The following ZNF268 variants were observed in gnomAD, a reference collection of about 807,000 sequenced individuals.
ZNF268 encodes zinc finger protein 268.
In ZNF268, 20 loss-of-function variants were observed where a neutral mutation model predicts 29.3. The ratio of observed to expected loss-of-function variants is 0.68; its 90% CI spans 0.48 to 0.99. The LOEUF is 0.99. ZNF268 is among the 50% of genes least tolerant of loss of function. ZNF268 has a pLI of 0.00. For synonymous variants in ZNF268, 429 were observed against 376.9 expected (o/e 1.14, Z -1.60); for missense variants, 1,240 against 1,121.6 (o/e 1.11, Z -1.51).
Position 133,203,756 on chromosome 12 carries a change from C to A in ZNF268, c.2070C>A (p.His690Gln). 6.4e-7 allele frequency: 1 copy of A among 1,561,070 alleles called. No homozygotes were observed. The highest frequency in any genetic ancestry group is 1.9e-5 in the Admixed American group (1 of 53,208). ...AGCTCATTGTACATCAGAGAAGTCA[C>A]ACAGGAGTAAAACCATATGGATGCA... ...KSQLIVHQRSHTGVKPYGCSE... is the reference protein window; with the variant it reads ...KSQLIVHQRSQTGVKPYGCSE... Residue 690 changes from histidine to glutamine, a missense_variant, in exon 6 of 6, where the codon CAC becomes CAA. Around this residue, in one of 3 missense-constraint regions of ZNF268, gnomAD observed 1,177 missense variants for 1,039.6 expected, o/e 1.13. Coordinates refer to ENST00000536435, the MANE Select transcript of ZNF268 (RefSeq NM_003415.3).
chr12:133,187,545 A>C (rs1040027428), intron 2 of ZNF268, among the ~76,000 whole-genome samples: 1 of 151,998 alleles, frequency 6.6e-6, no homozygotes, highest in African/African-American at 2.4e-5. Context: ...CTACTGCCCT[A>C]CCAAACCAGC....
intron 3 of ZNF268, among the ~76,000 whole-genome samples, chr12:133,189,460 C>G (rs1243761776): frequency 1.3e-5 from 2 of 152,120 alleles, no homozygotes; most frequent in African/African-American, 4.8e-5. Context: ...AGTGATTCAC[C>G]TGCCTCGGCC....
At chr12:133,192,297 G>A (rs1027102584) in intron 5 of ZNF268, among the ~76,000 whole-genome samples, 23 of 151,734 alleles carry the variant, frequency 1.5e-4, no homozygotes, top group Non-Finnish European at 2.9e-5. Flanking sequence ...TAGTAGAGAT[G>A]GGGTTTTGCC....
At chr12:133,187,026 A>G (rs1421129857) in intron 2 of ZNF268, among the ~76,000 whole-genome samples, 5 of 152,080 alleles carry the variant, frequency 3.3e-5, no homozygotes, top group Admixed American at 6.5e-5. Flanking sequence ...CCTCTTCCCT[A>G]TCTCTTATCA....
At position 133,203,595 on chromosome 12, in the gene ZNF268, G is replaced by T; in HGVS notation, c.1909G>T (p.Glu637Ter). 6.4e-7 allele frequency: 1 copy of T among 1,570,072 alleles called. No homozygotes were observed. ...TGTACATCAGAGAACTCATACAGGA[G>T]AGAAACCCTATAGTTGTAATGAATG... ...LIVHQRTHTG[E>*]KPYSCNECGK... is the part of the protein sequence containing the mutation. The change falls in exon 6 of 6, where the codon GAG (glutamate) becomes TAG (stop). Residue 637 changes from glutamate to a stop codon, truncating the protein, a stop_gained. Transcript: ENST00000536435. LOFTEE classifies it low-confidence loss of function (END_TRUNC).
intron 5 of ZNF268, among the ~76,000 whole-genome samples, chr12:133,194,063 C>T (rs916579218): frequency 1.3e-5 from 2 of 152,148 alleles, no homozygotes; most frequent in East Asian, 3.8e-4. Flanking sequence ...AAACCCTCAT[C>T]GTCTCAATTC....
At chr12:133,190,498 T>A (rs1428033723) in intron 3 of ZNF268, among the ~76,000 whole-genome samples, 1 of 152,280 alleles carries the variant, frequency 6.6e-6, no homozygotes, top group East Asian at 1.9e-4. Context: ...TTCTAATAGG[T>A]GTGTAGTGGT....
chr12:133,184,922 G>A (rs1422542899), intron 2 of ZNF268, among the ~76,000 whole-genome samples: 2 of 152,138 alleles, frequency 1.3e-5, no homozygotes, highest in South Asian at 2.1e-4. Flanking sequence ...GGTGGGTCAC[G>A]CCTGTAGTCC....
chr12:133,202,986 C>A lies in ZNF268; in HGVS notation c.1300C>A (p.His434Asn). 1 of 1,548,906 alleles carries A rather than the reference C, an allele frequency of 6.5e-7. No homozygotes were observed. Among genetic ancestry groups the A allele is most frequent in the Non-Finnish European group, 8.7e-7 (1 of 1,152,542 alleles). ...TAATACAAAGTCAAACCTTATGGTA[C>A]ATCAGAGAACCCATACAGGGGAGAA... ...AFNTKSNLMVHQRTHTGEKPY... is the reference protein window; with the variant it reads ...AFNTKSNLMVNQRTHTGEKPY... The change falls in exon 6 of 6, where the codon CAT (histidine) becomes AAT (asparagine). Residue 434 changes from histidine (H) to asparagine (N), a missense_variant. This residue lies in a region of ZNF268 where 1,177 missense variants were observed against 1,039.6 expected (regional missense o/e 1.13). Transcript: ENST00000536435.
chr12:133,205,500 TACTG>T lies in ZNF268; in HGVS notation c.*973_*976del, dbSNP rs997679774. On this transcript the variant is annotated 3_prime_UTR_variant, in exon 6 of 6. Transcript: ENST00000536435. ...CTTCCAGAGATTTCAGTATCTCTGA[TACTG>T]ACAATATCTCTGATATGACAATATC... The T allele has an allele frequency of 3.9e-5, 6 of 152,298 alleles. No individual in the cohort carries two copies. Among genetic ancestry groups the T allele is most frequent in the South Asian group, 2.1e-4 (1 of 4,828 alleles). The allele number at this position is 152,298 out of a possible 1,614,324, so 9.4% of individuals were successfully genotyped here. A position where few individuals can be genotyped will look rare whatever the true frequency, so the allele number is the denominator to read the frequency against.
chr12:133,183,678 T>C (rs989166459), intron 2 of ZNF268, among the ~76,000 whole-genome samples: 1 of 151,894 alleles, frequency 6.6e-6, no homozygotes, highest in Non-Finnish European at 1.5e-5. Flanking sequence ...TTGTGATTGG[T>C]AGAGGGGGAA....
rs1956933112 is a variant in ZNF268, at chr12:133,208,194, TAAA to T, written c.*3667_*3669del. ...AGACCCTGTCTGTACAAAAACTTTTTAAAAAGATTAGCCAGGTGTGGTCAGGCG... is the reference window on the plus strand; with the variant it reads ...AGACCCTGTCTGTACAAAAACTTTTTAAGATTAGCCAGGTGTGGTCAGGCG... On this transcript the variant is annotated 3_prime_UTR_variant, in exon 6 of 6. Coordinates refer to ENST00000536435, the MANE Select transcript of ZNF268 (RefSeq NM_003415.3). 6.6e-6 allele frequency: 1 copy of T among 151,298 alleles called. No homozygotes were observed. The highest frequency in any genetic ancestry group is 1.5e-5 in the Non-Finnish European group (1 of 67,790). 9.4% of individuals were successfully genotyped at this position (151,298 alleles called of 1,614,324 possible).
At chr12:133,188,595 A>C (rs1956383626) in intron 3 of ZNF268, among the ~76,000 whole-genome samples, 1 of 152,016 alleles carries the variant, frequency 6.6e-6, no homozygotes, top group South Asian at 2.1e-4. Context: ...CTCCTTTCCC[A>C]TCCCCAAAAA....
intron 2 of ZNF268, among the ~76,000 whole-genome samples, chr12:133,187,148 ATT>A (rs898896659): frequency 2.6e-5 from 4 of 151,736 alleles, no homozygotes; most frequent in African/African-American, 9.7e-5. Flanking sequence ...CATTTCATTC[ATT>A]GTTTCTTTTT....
chr12:133,188,573 C>T (rs764074149), intron 3 of ZNF268, among the ~76,000 whole-genome samples: 29 of 152,126 alleles, frequency 1.9e-4, no homozygotes, highest in Non-Finnish European at 2.5e-4. Flanking sequence ...TTTCCTCATA[C>T]TCAATTTTCA....
Position 133,202,487 on chromosome 12 carries a change from A to AC in ZNF268, c.802dup (p.Gln268ProfsTer15), listed in dbSNP as rs1464882259. The AC allele has an allele frequency of 1.9e-6, 3 of 1,612,272 alleles. No homozygotes were observed. Among genetic ancestry groups the AC allele is most frequent in the Non-Finnish European group, 2.5e-6 (3 of 1,179,136 alleles). On this transcript the variant is annotated frameshift_variant, in exon 6 of 6. Transcript: ENST00000536435. LOFTEE classifies it low-confidence loss of function (END_TRUNC). The stretch of plus-strand genomic sequence containing the variant: ...ATAAGAAATCGCAACTTATGTGCCA[A>AC]CAAATGTATATGGGCGAAAAACCCT...
In ZNF268 at chr12:133,212,348, A is replaced by G. The variant is rs1039106940; in HGVS notation, c.*7818A>G. On this transcript the variant is annotated 3_prime_UTR_variant, in exon 6 of 6. Transcript: ENST00000536435. ...TGGGATGTATAATGCCAGCATGAAC[A>G]AAAAGGCCACTTATCACTCCAGGAG... 1 of 151,362 alleles carries G rather than the reference A, an allele frequency of 6.6e-6. No individual in the cohort carries two copies. Among genetic ancestry groups the G allele is most frequent in the African/African-American group, 2.4e-5 (1 of 41,132 alleles). The allele number at this position is 151,362 out of a possible 1,614,324, so 9.4% of individuals were successfully genotyped here.
chr12:133,188,082 T>A lies in ZNF268; in HGVS notation c.234+10T>A. 6.4e-7 allele frequency: 1 copy of A among 1,568,088 alleles called. No homozygotes were observed. The highest frequency in any genetic ancestry group is 8.6e-7 in the Non-Finnish European group (1 of 1,156,720). On this transcript the variant is annotated intron_variant, in intron 3 of 5. Coordinates refer to ENST00000536435, the MANE Select transcript of ZNF268 (RefSeq NM_003415.3). ...AATCACCAAGTCCTGGGTGAGCTTC[T>A]CATTTGTTTATTCCTAGTGTTTTCT...
In ZNF268 at chr12:133,211,247, A is replaced by T. The variant is rs1388680336; in HGVS notation, c.*6717A>T. 5.6e-6 allele frequency: 2 copies of T among 355,590 alleles called. No individual in the cohort carries two copies. Among genetic ancestry groups the T allele is most frequent in the African/African-American group, 4.3e-5 (2 of 46,694 alleles). The allele number at this position is 355,590 out of a possible 1,614,324, so 22.0% of individuals were successfully genotyped here. A position where few individuals can be genotyped will look rare whatever the true frequency, so the allele number is the denominator to read the frequency against. On this transcript the variant is annotated 3_prime_UTR_variant, in exon 6 of 6. Transcript: ENST00000536435. Reference sequence around the variant, plus strand: ...TAAAATTGAACAAGAAGACAACCCAATTAAAAATGGGGACAGATCCAAATA... The same window carrying T: ...TAAAATTGAACAAGAAGACAACCCATTTAAAAATGGGGACAGATCCAAATA...
Sources: gnomAD v4.1 joint callset for allele counts (sites outside exome capture counted in the v4.1 genomes callset) on GRCh38, gnomAD v4.1.1 for gene constraint, gnomAD v4.1.1 regional missense constraint, MANE v1.5 for transcripts, NCBI Gene and HGNC (gene_info 2026-07-23, HGNC 2026-07-21) for gene names.